Variants in KCNJ3 observed in about 807,000 individuals in gnomAD.
KCNJ3 encodes the protein G protein-activated inward rectifier potassium channel 1.
KCNJ3 carries 4 observed loss-of-function variants against 39.2 expected under a neutral mutation model. That is an observed-to-expected ratio of 0.10 (90% confidence interval 0.05 to 0.23). The LOEUF is 0.23. Ranked by LOEUF, KCNJ3 falls within the 10% of genes least tolerant of loss-of-function variation. KCNJ3 has a pLI of 1.00. For missense variants in KCNJ3, 276 were observed against 634.9 expected (o/e 0.43, Z 6.08); for synonymous variants, 230 against 237.4 (o/e 0.97, Z 0.29).
chr2:154,757,624 G>C (rs1161178385), intron 2 of KCNJ3, among the ~76,000 whole-genome samples: 1 of 152,042 alleles, frequency 6.6e-6, no homozygotes, highest in Admixed American at 6.6e-5. Context: ...TGATTTTGAT[G>C]GTGTCTTAAA....
chr2:154,855,359 T>C lies in KCNJ3; in HGVS notation c.*46T>C, dbSNP rs1272781681. 7.7e-7 allele frequency: 1 copy of C among 1,299,318 alleles called. No homozygotes were observed. The highest frequency in any genetic ancestry group is 2.5e-5 in the East Asian group (1 of 40,306). 80.5% of individuals were successfully genotyped at this position (1,299,318 alleles called of 1,614,324 possible). A position where few individuals can be genotyped will look rare whatever the true frequency, so the allele number is the denominator to read the frequency against. Reference sequence around the variant, plus strand: ...TATTTAATGTTTGATTTAGTAATAGTCCAATATTTGGCGATGAGGTAATTC... The same window carrying C: ...TATTTAATGTTTGATTTAGTAATAGCCCAATATTTGGCGATGAGGTAATTC... On this transcript the variant is annotated 3_prime_UTR_variant, in exon 3 of 3. Coordinates refer to ENST00000295101, the MANE Select transcript of KCNJ3 (RefSeq NM_002239.4).
intron 2 of KCNJ3, among the ~76,000 whole-genome samples, chr2:154,841,865 G>A (rs1687582922): frequency 6.6e-6 from 1 of 151,744 alleles, no homozygotes; most frequent in African/African-American, 2.4e-5. Context: ...TATCAATTTT[G>A]TTGATCTTTT....
At chr2:154,764,473 A>G (rs1255034899) in intron 2 of KCNJ3, among the ~76,000 whole-genome samples, 5 of 152,212 alleles carry the variant, frequency 3.3e-5, no homozygotes, top group Non-Finnish European at 7.3e-5. Flanking sequence ...ATTGGCATGA[A>G]TAATTAAAAT....
At chr2:154,741,433 T>A (rs1026673607) in intron 2 of KCNJ3, among the ~76,000 whole-genome samples, 4 of 89,430 alleles carry the variant, frequency 4.5e-5, no homozygotes, top group Non-Finnish European at 8.5e-5. Context: ...TGCATTTTGA[T>A]GAATTTTTTT....
At position 154,746,238 on chromosome 2, in the gene KCNJ3, G is replaced by T. The variant is rs565966252; in HGVS notation, c.919+36419G>T. Among the ~76,000 whole-genome samples the T allele has an allele frequency of 4.6e-5, 7 of 151,610 alleles. No homozygotes were observed. In the South Asian group the frequency reaches 1.5e-3, roughly 32 times the overall value. ...TATAACATTAAAATATTTGTTAATT[G>T]ACTGTTAAAGTTATTGATAAGGTTT... is the stretch of plus-strand genomic sequence containing the variant. On this transcript the variant is annotated intron_variant, in intron 2 of 2. Coordinates refer to ENST00000295101, the MANE Select transcript of KCNJ3 (RefSeq NM_002239.4).
intron 2 of KCNJ3, among the ~76,000 whole-genome samples, chr2:154,782,267 G>A (rs1404772430): frequency 6.6e-6 from 1 of 152,122 alleles, no homozygotes; most frequent in Non-Finnish European, 1.5e-5. Flanking sequence ...ATCTGTCCAT[G>A]CATCAGGATT....
chr2:154,790,684 A>C (rs1164379502), intron 2 of KCNJ3, among the ~76,000 whole-genome samples: 1 of 152,088 alleles, frequency 6.6e-6, no homozygotes, highest in East Asian at 1.9e-4. Flanking sequence ...CTTGATGTTT[A>C]AAATTTTGGA....
rs140739171 is a variant in KCNJ3 at position 154,733,114 on chromosome 2, G to T, written c.919+23295G>T. Among the ~76,000 whole-genome samples the T allele has an allele frequency of 2.4e-3, 366 of 152,170 alleles. 1 individual carries two copies. The highest frequency in any genetic ancestry group is 3.3e-3 in the South Asian group (16 of 4,822). On this transcript the variant is annotated intron_variant, in intron 2 of 2. Coordinates refer to ENST00000295101, the MANE Select transcript of KCNJ3 (RefSeq NM_002239.4). ...AAACCAGTCATTTTACTTATGGTAA[G>T]AACCCATATTGGGTGTTGAAACAGA...
intron 2 of KCNJ3, among the ~76,000 whole-genome samples, chr2:154,854,059 AC>A (rs1489406689): frequency 2.0e-5 from 3 of 151,968 alleles, no homozygotes; most frequent in African/African-American, 7.3e-5. Context: ...AAATATTACC[AC>A]CTTTTATTCG....
chr2:154,830,748 G>A (rs960061645), intron 2 of KCNJ3, among the ~76,000 whole-genome samples: 1 of 150,374 alleles, frequency 6.7e-6, no homozygotes, highest in Non-Finnish European at 1.5e-5. Context: ...ATGATTAGAT[G>A]AGAATGATTA....
intron 2 of KCNJ3, among the ~76,000 whole-genome samples, chr2:154,713,629 A>T (rs746527249): frequency 6.6e-6 from 1 of 152,136 alleles, no homozygotes; most frequent in African/African-American, 2.4e-5. Context: ...CCTTGCTTCA[A>T]ATGAGTTGGA....
intron 2 of KCNJ3, among the ~76,000 whole-genome samples, chr2:154,849,617 G>A (rs917734298): frequency 1.3e-5 from 2 of 152,158 alleles, no homozygotes; most frequent in African/African-American, 4.8e-5. Context: ...CCCTTGGCCT[G>A]TGGTTATATT....
chr2:154,758,120 C>T (rs539428728), intron 2 of KCNJ3, among the ~76,000 whole-genome samples: 16 of 152,102 alleles, frequency 1.1e-4, no homozygotes, highest in African/African-American at 3.6e-4. Flanking sequence ...CAATAGAGAA[C>T]GTCTTGATAC....
intron 2 of KCNJ3, among the ~76,000 whole-genome samples, chr2:154,830,444 T>C (rs527294650): frequency 2.0e-4 from 30 of 152,290 alleles, no homozygotes; most frequent in African/African-American, 7.0e-4. Flanking sequence ...ATCAAAACAC[T>C]ATAAGATTAT....
intron 2 of KCNJ3, among the ~76,000 whole-genome samples, chr2:154,837,056 T>G (rs1461769878): frequency 1.3e-5 from 2 of 152,178 alleles, no homozygotes; most frequent in African/African-American, 4.8e-5. Flanking sequence ...AAACTTTAGA[T>G]TCCATGGATG....
At chr2:154,809,615 T>C (rs1686973769) in intron 2 of KCNJ3, among the ~76,000 whole-genome samples, 1 of 152,268 alleles carries the variant, frequency 6.6e-6, no homozygotes, top group Admixed American at 6.5e-5. Flanking sequence ...TTTTCCTTTA[T>C]TTACCGGTTT....
At chr2:154,822,714 A>T (rs756704802) in intron 2 of KCNJ3, among the ~76,000 whole-genome samples, 50 of 152,142 alleles carry the variant, frequency 3.3e-4, no homozygotes, top group Non-Finnish European at 6.2e-4. Context: ...AGATATTTTT[A>T]AATATATAAT....
chr2:154,850,115 G>T (rs1017203918), intron 2 of KCNJ3, among the ~76,000 whole-genome samples: 1 of 131,272 alleles, frequency 7.6e-6, no homozygotes, highest in Non-Finnish European at 1.5e-5. Context: ...TGCTTTGCCA[G>T]TTTCCACAGA....
intron 2 of KCNJ3, among the ~76,000 whole-genome samples, chr2:154,715,895 T>C (rs1240548105): frequency 1.3e-5 from 2 of 152,146 alleles, no homozygotes; most frequent in Non-Finnish European, 2.9e-5. Context: ...TTTAATAAGG[T>C]TAAATACTAT....
Sources: gnomAD v4.1 joint callset for allele counts (sites outside exome capture counted in the v4.1 genomes callset) on GRCh38, gnomAD v4.1.1 for gene constraint, MANE v1.5 for transcripts, NCBI Gene and HGNC (gene_info 2026-07-23, HGNC 2026-07-21) for gene names.